RBMS3: variants seen among roughly 807,000 people sequenced by gnomAD.
The protein encoded by RBMS3 is RNA binding motif single stranded interacting protein 3.
A neutral mutation model predicts 66.8 loss-of-function variants in RBMS3; 27 were observed. That is an observed-to-expected ratio of 0.40 (90% CI 0.30 to 0.56). The LOEUF (loss-of-function observed/expected upper bound fraction) is 0.56. RBMS3 is among the 20% of genes least tolerant of loss of function. The pLI, the probability that RBMS3 is intolerant of heterozygous loss-of-function variation, is 0.40. For synonymous variants in RBMS3, 188 were observed against 183.0 expected (o/e 1.03, Z -0.22); for missense variants, 513 against 549.5 (o/e 0.93, Z 0.66).
chr3:29,516,073 A>C (rs2148964258), intron 3 of RBMS3, among the ~76,000 whole-genome samples: 1 of 152,288 alleles, frequency 6.6e-6, no homozygotes, highest in African/African-American at 2.4e-5. Context: ...GACAGGATTT[A>C]GGAATGAGAA....
intron 1 of RBMS3, among the ~76,000 whole-genome samples, chr3:29,384,141 C>A (rs2038895608): frequency 6.6e-6 from 1 of 151,960 alleles, no homozygotes. Context: ...CATGGTGAAA[C>A]AGCATATCTA....
chr3:29,304,333 T>C (rs1468615461), intron 1 of RBMS3, among the ~76,000 whole-genome samples: 1 of 151,978 alleles, frequency 6.6e-6, no homozygotes, highest in Non-Finnish European at 1.5e-5. Context: ...ATTTATGCTA[T>C]ATATTCTAAG....
intron 4 of RBMS3, among the ~76,000 whole-genome samples, chr3:29,733,141 T>C (rs2054205884): frequency 6.6e-6 from 1 of 152,118 alleles, no homozygotes; most frequent in Admixed American, 6.6e-5. Flanking sequence ...TTCTCAATGT[T>C]TTTAAAAAAT....
At chr3:29,944,292 G>A (rs760314386) in intron 12 of RBMS3, 38 bp downstream of exon 12, 4 of 1,519,740 alleles carry the variant, frequency 2.6e-6, no homozygotes, top group Admixed American at 3.4e-5. Context: ...TGGATTGGAG[G>A]GGAGAGATGG....
Position 29,540,342 on chromosome 3 carries a change from G to T in RBMS3, c.308-46772G>T, listed in dbSNP as rs565756943. On this transcript the variant is annotated intron_variant, in intron 3 of 14. Coordinates refer to ENST00000383767, the MANE Select transcript of RBMS3 (RefSeq NM_001003793.3). Reference sequence around the variant, plus strand: ...TAAAATTTGTTTATATTTCTTTATTGCAACCTTTGTTGAAATTTCCATTAG... The same window carrying T: ...TAAAATTTGTTTATATTTCTTTATTTCAACCTTTGTTGAAATTTCCATTAG... 3.3e-5 allele frequency among the ~76,000 whole-genome samples: 5 copies of T among 152,012 alleles called. No homozygotes were observed. In the South Asian group the frequency reaches 1.0e-3, roughly 32 times the overall value.
chr3:29,720,696 CTG>C (rs201802434), intron 4 of RBMS3, among the ~76,000 whole-genome samples: 80 of 147,500 alleles, frequency 5.4e-4, no homozygotes, highest in Non-Finnish European at 5.1e-4. Context: ...CTGTAAGAAT[CTG>C]TGTGTGTGTG....
intron 4 of RBMS3, among the ~76,000 whole-genome samples, chr3:29,699,153 C>T (rs2052425152): frequency 6.6e-6 from 1 of 152,066 alleles, no homozygotes; most frequent in Non-Finnish European, 1.5e-5. Context: ...AAATGTAGAG[C>T]TATTTTCATT....
intron 4 of RBMS3, among the ~76,000 whole-genome samples, chr3:29,730,720 T>G (rs1189272024): frequency 6.6e-6 from 1 of 152,196 alleles, no homozygotes; most frequent in Non-Finnish European, 1.5e-5. Context: ...AACTCTGAGA[T>G]TTGTTTACAA....
intron 3 of RBMS3, among the ~76,000 whole-genome samples, chr3:29,548,460 AC>A (rs1410217230): frequency 1.3e-4 from 19 of 151,686 alleles, no homozygotes; most frequent in African/African-American, 4.1e-4. Context: ...AAAAAACAAA[AC>A]GACGTTAATG....
rs542807062 is a variant in RBMS3, at chr3:29,347,340, C to G, written c.75+65584C>G. On this transcript the variant is annotated intron_variant, in intron 1 of 14. Coordinates refer to ENST00000383767, the MANE Select transcript of RBMS3 (RefSeq NM_001003793.3). ...GTAGGTAAGTGTGCTATTTCTAGGT[C>G]TATAATATTTAAAGATATTTAATAA... Among the ~76,000 whole-genome samples the G allele has an allele frequency of 1.7e-4, 26 of 152,134 alleles. No individual in the cohort carries two copies. In the South Asian group the frequency reaches 5.4e-3, roughly 32 times the overall value.
intron 10 of RBMS3, among the ~76,000 whole-genome samples, chr3:29,927,923 A>G (rs2060984614): frequency 6.6e-6 from 1 of 152,156 alleles, no homozygotes. Context: ...TGGTTTCTGA[A>G]TAAGACAAGC....
intron 4 of RBMS3, among the ~76,000 whole-genome samples, chr3:29,676,359 G>A (rs531228764): frequency 6.6e-6 from 1 of 152,186 alleles, no homozygotes; most frequent in Admixed American, 6.5e-5. Context: ...CACCAACATG[G>A]CACATGTATA....
At chr3:29,719,512 G>T (rs1046329499) in intron 4 of RBMS3, among the ~76,000 whole-genome samples, 1 of 152,130 alleles carries the variant, frequency 6.6e-6, no homozygotes. Context: ...AAATTCCAGG[G>T]TTCCTGCATG....
intron 4 of RBMS3, among the ~76,000 whole-genome samples, chr3:29,706,620 T>C (rs1483843553): frequency 6.6e-6 from 1 of 152,220 alleles, no homozygotes; most frequent in Non-Finnish European, 1.5e-5. Context: ...CAAGAAACTC[T>C]TCAGGGAGAA....
chr3:29,668,470 G>A (rs542591349), intron 4 of RBMS3, among the ~76,000 whole-genome samples: 8 of 152,268 alleles, frequency 5.3e-5, no homozygotes, highest in Non-Finnish European at 7.4e-5. Context: ...TTGCTGGAAC[G>A]TGTAGCTGCC....
At chr3:29,700,928 G>GT (rs1320555118) in intron 4 of RBMS3, among the ~76,000 whole-genome samples, 1 of 152,136 alleles carries the variant, frequency 6.6e-6, no homozygotes, top group South Asian at 2.1e-4. Flanking sequence ...TTTTAGAAAG[G>GT]TGAAGAAGTT....
chr3:29,294,812 A>G (rs1490182435), intron 1 of RBMS3, among the ~76,000 whole-genome samples: 9 of 151,874 alleles, frequency 5.9e-5, no homozygotes, highest in South Asian at 2.1e-4. Context: ...CTTGACTACA[A>G]TAGTTCTTAT....
chr3:29,384,048 G>T (rs549269409), intron 1 of RBMS3, among the ~76,000 whole-genome samples: 1 of 152,316 alleles, frequency 6.6e-6, no homozygotes, highest in East Asian at 1.9e-4. Flanking sequence ...GGGCACAGTG[G>T]CTCATGCCTG....
intron 6 of RBMS3, among the ~76,000 whole-genome samples, chr3:29,803,636 A>G (rs2057455640): frequency 6.6e-6 from 1 of 152,058 alleles, no homozygotes; most frequent in Non-Finnish European, 1.5e-5. Flanking sequence ...ATATAACACT[A>G]TATATTATAT....
Sources: allele counts gnomAD v4.1 joint callset (sites outside exome capture counted in the v4.1 genomes callset), GRCh38; gene constraint gnomAD v4.1.1; transcripts MANE v1.5; gene names NCBI Gene and HGNC (gene_info 2026-07-23, HGNC 2026-07-21).